Variants in ABCC1 observed in about 807,000 individuals in gnomAD.
ABCC1 encodes the protein ATP binding cassette subfamily C member 1 (ABCC1 blood group).
Under a neutral mutation model 172.9 loss-of-function variants are expected in ABCC1, and 83 were observed. The ratio of observed to expected loss-of-function variants is 0.48; its 90% CI spans 0.40 to 0.58. ABCC1 has a LOEUF of 0.58. Among genes scored for constraint, ABCC1 ranks in the 20% least tolerant of loss-of-function variants. The pLI is 0.00. For synonymous variants in ABCC1, 937 were observed against 825.2 expected (o/e 1.14, Z -2.32); for missense variants, 1,817 against 2,002.7 (o/e 0.91, Z 1.77).
chr16:16,075,087 G>A (rs1292445574), intron 14 of ABCC1, among the ~76,000 whole-genome samples: 2 of 151,834 alleles, frequency 1.3e-5, no homozygotes, highest in East Asian at 3.9e-4. Context: ...TGGGACTACA[G>A]GCATGCGCTA....
chr16:15,965,059 A>AT, intron 1 of ABCC1, among the ~76,000 whole-genome samples: 1 of 152,126 alleles, frequency 6.6e-6, no homozygotes, highest in African/African-American at 2.4e-5. Flanking sequence ...GCATATTAAC[A>AT]TTTGAGTCTT....
intron 16 of ABCC1, among the ~76,000 whole-genome samples, chr16:16,079,820 T>C (rs2050736958): frequency 6.7e-6 from 1 of 148,860 alleles, no homozygotes; most frequent in South Asian, 2.1e-4. Context: ...ATTATTGTGT[T>C]TTTTTTTTTT....
intron 23 of ABCC1, among the ~76,000 whole-genome samples, chr16:16,118,748 G>A (rs2045017895): frequency 6.6e-6 from 1 of 151,834 alleles, no homozygotes; most frequent in Non-Finnish European, 1.5e-5. Context: ...GTGTGGGCAG[G>A]ACTGGAAGGG....
At chr16:15,965,410 G>T (rs1476526406) in intron 1 of ABCC1, among the ~76,000 whole-genome samples, 1 of 152,024 alleles carries the variant, frequency 6.6e-6, no homozygotes, top group African/African-American at 2.4e-5. Context: ...TCCTGCCTCA[G>T]CCTCCCAAGT....
At chr16:15,996,727 G>C (rs1469541001) in intron 1 of ABCC1, among the ~76,000 whole-genome samples, 1 of 152,060 alleles carries the variant, frequency 6.6e-6, no homozygotes, top group Non-Finnish European at 1.5e-5. Context: ...AAGGGTGTAG[G>C]GCAAAGTTAG....
At chr16:15,967,917 T>G (rs537634546) in intron 1 of ABCC1, among the ~76,000 whole-genome samples, 12 of 152,324 alleles carry the variant, frequency 7.9e-5, no homozygotes, top group Admixed American at 1.3e-4. Context: ...ATTGAATTAC[T>G]TAAAGGGACG....
intron 1 of ABCC1, among the ~76,000 whole-genome samples, chr16:15,950,382 G>A (rs2045842000): frequency 2.0e-5 from 3 of 152,076 alleles, no homozygotes; most frequent in Admixed American, 6.6e-5. Context: ...GAAGTTTGGG[G>A]GAACCAGGGA....
At chr16:16,063,796 T>G (rs945904970) in intron 12 of ABCC1, among the ~76,000 whole-genome samples, 39 of 152,284 alleles carry the variant, frequency 2.6e-4, no homozygotes, top group African/African-American at 8.7e-4. Flanking sequence ...CAGCAACCCC[T>G]GTGAACAGAG....
intron 1 of ABCC1, among the ~76,000 whole-genome samples, chr16:15,959,290 T>TC (rs941217445): frequency 5.3e-5 from 8 of 152,174 alleles, no homozygotes; most frequent in Non-Finnish European, 2.9e-5. Flanking sequence ...CAGTTCATTC[T>TC]CCCCTGGGAA....
At chr16:16,044,164 T>G (rs2049101523) in intron 7 of ABCC1, among the ~76,000 whole-genome samples, 1 of 152,188 alleles carries the variant, frequency 6.6e-6, no homozygotes, top group African/African-American at 2.4e-5. Flanking sequence ...AGGTCCTACT[T>G]TTATCCTCAT....
intron 1 of ABCC1, among the ~76,000 whole-genome samples, chr16:15,959,625 C>G (rs967155415): frequency 6.6e-6 from 1 of 152,158 alleles, no homozygotes; most frequent in African/African-American, 2.4e-5. Context: ...CATGCCCAGC[C>G]GAAAATGGCT....
Position 16,142,078 on chromosome 16 carries a change from C to T in ABCC1, c.*797C>T, listed in dbSNP as rs2046143712. Reference sequence around the variant, plus strand: ...CACCTGGGGCTTCCCTCCCCACCCACCCCGACTCCAGGCTTTCCCTTTTTT... The same window carrying T: ...CACCTGGGGCTTCCCTCCCCACCCATCCCGACTCCAGGCTTTCCCTTTTTT... On this transcript the variant is annotated 3_prime_UTR_variant, in exon 31 of 31. Transcript: ENST00000399410. 1 of 151,960 alleles carries T rather than the reference C, an allele frequency of 6.6e-6. No individual in the cohort carries two copies. Among genetic ancestry groups the T allele is most frequent in the South Asian group, 2.1e-4 (1 of 4,820 alleles). The allele number at this position is 151,960 out of a possible 1,614,324, so 9.4% of individuals were successfully genotyped here.
intron 22 of ABCC1, among the ~76,000 whole-genome samples, chr16:16,114,252 A>C (rs1361503297): frequency 6.6e-6 from 1 of 152,214 alleles, no homozygotes; most frequent in African/African-American, 2.4e-5. Context: ...TCATCATAAA[A>C]ATCAGTTACA....
chr16:16,040,966 T>C (rs1269754437), intron 7 of ABCC1, among the ~76,000 whole-genome samples: 6 of 152,134 alleles, frequency 3.9e-5, no homozygotes, highest in African/African-American at 1.4e-4. Context: ...GTCACTCTTT[T>C]GTCCAGGCTG....
intron 1 of ABCC1, among the ~76,000 whole-genome samples, chr16:15,982,161 A>G (rs1394494659): frequency 2.0e-5 from 3 of 152,116 alleles, no homozygotes; most frequent in African/African-American, 7.2e-5. Flanking sequence ...TGAGCCCTCC[A>G]AACTGTTCCA....
In ABCC1 at chr16:16,090,325, C is replaced by T. The variant is rs2051194037; in HGVS notation, c.2461-80C>T. On this transcript the variant is annotated intron_variant, in intron 18 of 30. Coordinates refer to ENST00000399410, the MANE Select transcript of ABCC1 (RefSeq NM_004996.4). ...CCACCAGGTGTTCGTCGGCTCATTC[C>T]TCCTTTAGTCTTCACTCTGCCAAGC... 6.3e-6 allele frequency: 9 copies of T among 1,420,200 alleles called. No homozygotes were observed. The South Asian group carries it at 1.2e-4, about 19-fold the overall frequency. 88.0% of individuals were successfully genotyped at this position (1,420,200 alleles called of 1,614,324 possible). A position where few individuals can be genotyped will look rare whatever the true frequency, so the allele number is the denominator to read the frequency against.
chr16:16,023,324 G>C (rs1307645623), intron 5 of ABCC1, among the ~76,000 whole-genome samples: 1 of 152,078 alleles, frequency 6.6e-6, no homozygotes, highest in East Asian at 1.9e-4. Context: ...TGAGTTTTTT[G>C]CTTAAAATTT....
chr16:16,059,238 G>A (rs2049802291), intron 12 of ABCC1, among the ~76,000 whole-genome samples: 1 of 152,170 alleles, frequency 6.6e-6, no homozygotes, highest in South Asian at 2.1e-4. Context: ...AGTTCTCTAG[G>A]TGGTGTGTAT....
chr16:15,999,428 CA>C (rs1351213561), intron 1 of ABCC1, among the ~76,000 whole-genome samples: 1 of 151,716 alleles, frequency 6.6e-6, no homozygotes, highest in Admixed American at 6.6e-5. Context: ...ACAGCCTGAC[CA>C]ACATGGAGAA....
Sources: gnomAD v4.1 joint callset for allele counts (sites outside exome capture counted in the v4.1 genomes callset) on GRCh38, gnomAD v4.1.1 for gene constraint, MANE v1.5 for transcripts, NCBI Gene and HGNC (gene_info 2026-07-23, HGNC 2026-07-21) for gene names.